KIF13B: variants seen among roughly 807,000 people sequenced by gnomAD.
KIF13B encodes the protein kinesin family member 13B, also known as kinesin-like protein KIF13B.
In KIF13B, 127 loss-of-function variants were observed where a neutral mutation model predicts 222.0. The observed-to-expected ratio is 0.57, with a 90% CI of 0.50 to 0.66. The LOEUF is 0.66. Among genes scored for constraint, KIF13B ranks in the 30% least tolerant of loss-of-function variants. The pLI is 0.00. For synonymous variants in KIF13B, 976 were observed against 919.0 expected, an observed-to-expected ratio of 1.06 and a Z score of -1.12; for missense variants, 2,173 against 2,379.0, an observed-to-expected ratio of 0.91 and a Z score of 1.80.
At chr8:29,220,548 T>C (rs1814695610) in intron 2 of KIF13B, among the ~76,000 whole-genome samples, 1 of 139,696 alleles carries the variant, frequency 7.2e-6, no homozygotes, top group Non-Finnish European at 1.5e-5. Flanking sequence ...AAAATTTCTT[T>C]ATTTAAAAAA....
In KIF13B at chr8:29,070,327, A is replaced by C; in HGVS notation, c.*177T>G. ...TGAGGCCCCCACTTTACCCGGGTAC[A>C]GAAGAAACAAAGCTTCCAGAGGCCC... On this transcript the variant is annotated 3_prime_UTR_variant, in exon 40 of 40. Transcript: ENST00000524189. This position sits in a 1 kb window ranked among gnomAD's most constrained non-coding sequence, Gnocchi z 4.1. The C allele has an allele frequency of 1.5e-6, 1 of 668,346 alleles. No homozygotes were observed. The highest frequency in any genetic ancestry group is 1.9e-5 in the South Asian group (1 of 52,094). 41.4% of individuals were successfully genotyped at this position (668,346 alleles called of 1,614,324 possible).
At position 29,140,199 on chromosome 8, in the gene KIF13B, A is replaced by C; in HGVS notation, c.2485-8T>G. ...GTGCAGCCGACCTGCCACCTGCAGC[A>C]ATGAGGGAAGGCAGAAACATTTCTC... On this transcript the variant is annotated splice_polypyrimidine_tract_variant and splice_region_variant and intron_variant, in intron 20 of 39. Transcript: ENST00000524189. 2 of 1,613,334 alleles carry C rather than the reference A, an allele frequency of 1.2e-6. No homozygotes were observed. Among genetic ancestry groups the C allele is most frequent in the Non-Finnish European group, 8.5e-7 (1 of 1,179,778 alleles).
intron 37 of KIF13B, among the ~76,000 whole-genome samples, chr8:29,087,747 G>A (rs556319647): frequency 7.2e-5 from 11 of 152,240 alleles, no homozygotes; most frequent in African/African-American, 2.6e-4. Context: ...ACCCTGGCGA[G>A]ACAACTGTAG....
intron 32 of KIF13B, among the ~76,000 whole-genome samples, chr8:29,112,601 C>A (rs771020849): frequency 6.6e-6 from 1 of 152,154 alleles, no homozygotes; most frequent in Non-Finnish European, 1.5e-5. Flanking sequence ...CTCACACCCC[C>A]ACTTCTCCAA....
In KIF13B at chr8:29,071,276, C is replaced by T. The variant is rs1005209646; in HGVS notation, c.5218+344G>A. 6.6e-6 allele frequency among the ~76,000 whole-genome samples: 1 copy of T among 152,068 alleles called. No individual in the cohort carries two copies. Among genetic ancestry groups the T allele is most frequent in the Non-Finnish European group, 1.5e-5 (1 of 68,000 alleles). On this transcript the variant is annotated intron_variant, in intron 39 of 39. Transcript: ENST00000524189. The surrounding 1 kb of genome is among the most constrained non-coding windows in gnomAD (Gnocchi z 4.9). ...TGGGGTGAGGAAGAGCCTCCTGGAA[C>T]GGCAAAGGGGAGATGCTCTAAGGTG...
intron 2 of KIF13B, among the ~76,000 whole-genome samples, chr8:29,205,194 A>G (rs373960499): frequency 2.3e-5 from 2 of 88,852 alleles, no homozygotes; most frequent in African/African-American, 6.2e-5. Context: ...TCACCAAAAA[A>G]GTTTTTTTAA....
intron 37 of KIF13B, among the ~76,000 whole-genome samples, chr8:29,091,784 C>A (rs1808308867): frequency 6.6e-6 from 1 of 152,212 alleles, no homozygotes; most frequent in African/African-American, 2.4e-5. Context: ...AACTCTCAAG[C>A]CCCACCATGT....
chr8:29,253,054 A>T (rs1816340743), intron 1 of KIF13B, among the ~76,000 whole-genome samples: 4 of 152,212 alleles, frequency 2.6e-5, no homozygotes, highest in Admixed American at 2.6e-4. Context: ...AGGAGAGGAG[A>T]TGTGATAGTG....
chr8:29,094,771 T>C (rs1586767285), intron 36 of KIF13B, among the ~76,000 whole-genome samples: 1 of 151,924 alleles, frequency 6.6e-6, no homozygotes, highest in East Asian at 1.9e-4. Context: ...AGTCCAAAGA[T>C]GCAAAGGAGA....
At chr8:29,230,027 A>G (rs1164449471) in intron 2 of KIF13B, among the ~76,000 whole-genome samples, 1 of 152,244 alleles carries the variant, frequency 6.6e-6, no homozygotes, top group African/African-American at 2.4e-5. Flanking sequence ...AATCAAGGCA[A>G]AATAGCAGCT....
At chr8:29,095,965 G>GT (rs138886953) in intron 36 of KIF13B, among the ~76,000 whole-genome samples, 17,681 of 145,094 alleles carry the variant, frequency 0.12, 1,056 homozygotes, top group Middle Eastern at 0.15. Flanking sequence ...GACAAGTAGT[G>GT]TTTTTTTTTG....
intron 21 of KIF13B, 53 bp from the exon 22 acceptor site, chr8:29,134,263 T>C: frequency 1.3e-6 from 2 of 1,570,774 alleles, no homozygotes; most frequent in Non-Finnish European, 1.7e-6. Flanking sequence ...CCAACAAGCA[T>C]TCAGAGTTGC....
At chr8:29,192,638 T>C (rs1563775305) in intron 3 of KIF13B, among the ~76,000 whole-genome samples, 1 of 152,208 alleles carries the variant, frequency 6.6e-6, no homozygotes, top group Non-Finnish European at 1.5e-5. Context: ...GGCAGGAGAA[T>C]GTTTCTGTGT....
chr8:29,199,177 C>A (rs1813575619), intron 2 of KIF13B, among the ~76,000 whole-genome samples: 1 of 151,828 alleles, frequency 6.6e-6, no homozygotes, highest in African/African-American at 2.4e-5. Flanking sequence ...TTTTTATTGT[C>A]TTTATAAGCA....
chr8:29,075,264 T>A lies in KIF13B; in HGVS notation c.4521+17A>T. 6.4e-7 allele frequency: 1 copy of A among 1,552,610 alleles called. No homozygotes were observed. Among genetic ancestry groups the A allele is most frequent in the Non-Finnish European group, 8.7e-7 (1 of 1,147,670 alleles). On this transcript the variant is annotated intron_variant, in intron 38 of 39. Coordinates refer to ENST00000524189, the MANE Select transcript of KIF13B (RefSeq NM_015254.4). ...TCGCTGTAGGTGGGGTGGCCACCCG[T>A]GACCCAACAGACTCACCTCCTCCAT...
At chr8:29,160,238 ACT>A (rs900718330) in intron 13 of KIF13B, among the ~76,000 whole-genome samples, 1 of 151,756 alleles carries the variant, frequency 6.6e-6, no homozygotes, top group Admixed American at 6.6e-5. Context: ...AATAACCTAT[ACT>A]CTCTCTCTTT....
chr8:29,242,866 A>ATTT (rs1815841837), intron 2 of KIF13B, among the ~76,000 whole-genome samples: 2 of 152,256 alleles, frequency 1.3e-5, no homozygotes, highest in South Asian at 4.1e-4. Flanking sequence ...CACTGTAAAC[A>ATTT]TAAAATCAGA....
chr8:29,230,187 C>G (rs1049921323), intron 2 of KIF13B, among the ~76,000 whole-genome samples: 1 of 152,052 alleles, frequency 6.6e-6, no homozygotes, highest in Non-Finnish European at 1.5e-5. Flanking sequence ...TATAAACTTC[C>G]AGATTTACAC....
rs1474750563 is a variant in KIF13B at position 29,070,711 on chromosome 8, G to A, written c.5274C>T (p.Tyr1758=). 18 of 1,562,066 alleles carry A rather than the reference G, an allele frequency of 1.2e-5. No individual in the cohort carries two copies. Among genetic ancestry groups the A allele is most frequent in the South Asian group, 1.1e-4 (9 of 85,146 alleles). The change falls in exon 40 of 40, where the codon TAC becomes TAT. Residue 1758 remains tyrosine (Y), a synonymous_variant. Coordinates refer to ENST00000524189, the MANE Select transcript of KIF13B (RefSeq NM_015254.4). This position sits in a 1 kb window ranked among gnomAD's most constrained non-coding sequence, Gnocchi z 4.1. Reference sequence around the variant, plus strand: ...CCCGGCTGGGCCTGACCAGCAGCCCGTAGCCAGGGTTACACCTGAAGTACT... The same window carrying A: ...CCCGGCTGGGCCTGACCAGCAGCCCATAGCCAGGGTTACACCTGAAGTACT... ...GKQYFRCNPG[Y]GLLVRPSRVR... is the part of the protein sequence containing the mutation.
Sources: allele counts gnomAD v4.1 joint callset (sites outside exome capture counted in the v4.1 genomes callset), GRCh38; gene constraint gnomAD v4.1.1; non-coding constraint Gnocchi (gnomAD v3.1); transcripts MANE v1.5; gene names NCBI Gene and HGNC (gene_info 2026-07-23, HGNC 2026-07-21).